Variants in ABCB1 observed in about 807,000 individuals in gnomAD.
The protein encoded by ABCB1 is ATP binding cassette subfamily B member 1, also known as ATP-dependent translocase ABCB1.
Under a neutral mutation model 142.0 loss-of-function variants are expected in ABCB1, and 69 were observed. The ratio of observed to expected loss-of-function variants is 0.49; its 90% CI spans 0.40 to 0.59. The LOEUF (loss-of-function observed/expected upper bound fraction) is 0.59. Ranked by LOEUF, ABCB1 falls within the 20% of genes least tolerant of loss-of-function variation. The pLI is 0.00. For synonymous variants in ABCB1, 532 were observed against 539.2 expected (o/e 0.99, Z 0.18); for missense variants, 1,326 against 1,554.7 (o/e 0.85, Z 2.47).
chr7:87,548,675 G>A lies in ABCB1; in HGVS notation c.1725+673C>T, dbSNP rs191684377. The stretch of plus-strand genomic sequence containing the variant: ...TAATGTCTCCATCTCCACATTCTCG[G>A]TCCTCACAGAATTATCCCCGTTACT... On this transcript the variant is annotated intron_variant, in intron 14 of 27. Coordinates refer to ENST00000622132, the MANE Select transcript of ABCB1 (RefSeq NM_001348946.2). 2.2e-4 allele frequency among the ~76,000 whole-genome samples: 34 copies of A among 152,218 alleles called. No homozygotes were observed. In the East Asian group the frequency reaches 6.6e-3, roughly 29 times the overall value.
At chr7:87,510,562 A>G (rs1814962301) in intron 25 of ABCB1, among the ~76,000 whole-genome samples, 2 of 152,226 alleles carry the variant, frequency 1.3e-5, no homozygotes, top group African/African-American at 2.4e-5. Flanking sequence ...TCCCTTCTGA[A>G]GAAGGCACCA....
chr7:87,628,559 C>A, intron 1 of ABCB1: 1 of 316,298 alleles, frequency 3.2e-6, no homozygotes, highest in Non-Finnish European at 5.7e-6. Flanking sequence ...GGCGGCGCGC[C>A]GAGGGCGGAG....
At chr7:87,677,563 T>C (rs1826501942) in intron 1 of ABCB1, among the ~76,000 whole-genome samples, 1 of 152,076 alleles carries the variant, frequency 6.6e-6, no homozygotes, top group African/African-American at 2.4e-5. Flanking sequence ...GGTACAAGCC[T>C]TCAGTTATAA....
intron 22 of ABCB1, 22 bp from the exon 23 acceptor site, chr7:87,519,488 A>G: frequency 6.2e-7 from 1 of 1,613,618 alleles, no homozygotes; most frequent in Non-Finnish European, 8.5e-7. Flanking sequence ...ACATTTGAAA[A>G]CTCATTCCAC....
intron 1 of ABCB1, among the ~76,000 whole-genome samples, chr7:87,679,886 T>C (rs1045945675): frequency 1.3e-5 from 2 of 150,692 alleles, no homozygotes; most frequent in Admixed American, 6.6e-5. Context: ...ACAGAAGATA[T>C]CTGAAAAATC....
intron 5 of ABCB1, among the ~76,000 whole-genome samples, chr7:87,567,743 C>T (rs1202167): frequency 0.4 from 60,134 of 151,876 alleles, 12,708 homozygotes; most frequent in East Asian, 0.63. Flanking sequence ...AAAAACAGAC[C>T]CTTAATCAAT....
In ABCB1 at chr7:87,629,035, A is replaced by G. The variant is rs1240136481; in HGVS notation, c.-330-27957T>C. 5.9e-6 allele frequency: 7 copies of G among 1,189,514 alleles called. 1 individual carries two copies. The African/African-American group carries it at 1.1e-4, about 19-fold the overall frequency. 73.7% of individuals were successfully genotyped at this position (1,189,514 alleles called of 1,614,324 possible). On this transcript the variant is annotated intron_variant, in intron 1 of 28. Coordinates refer to the ABCB1 transcript ENST00000265724. Reference sequence around the variant, plus strand: ...CGGGTCCTTGGGGGTCCCGGGCATGATGGGCTGCCGCCCAGTGCCCCCGCC... The same window carrying G: ...CGGGTCCTTGGGGGTCCCGGGCATGGTGGGCTGCCGCCCAGTGCCCCCGCC...
chr7:87,529,115 T>C (rs964218508), intron 21 of ABCB1, among the ~76,000 whole-genome samples: 2 of 152,222 alleles, frequency 1.3e-5, no homozygotes, highest in African/African-American at 2.4e-5. Context: ...GAATGACTTC[T>C]GTAAGAATGT....
At chr7:87,514,577 C>T (rs781556625) in intron 25 of ABCB1, among the ~76,000 whole-genome samples, 1 of 152,184 alleles carries the variant, frequency 6.6e-6, no homozygotes, top group Non-Finnish European at 1.5e-5. Flanking sequence ...CATAAAAATG[C>T]TCAAGAGTTC....
At chr7:87,547,279 G>A (rs1230274299) in intron 14 of ABCB1, among the ~76,000 whole-genome samples, 1 of 152,076 alleles carries the variant, frequency 6.6e-6, no homozygotes, top group East Asian at 1.9e-4. Context: ...AAATACAGAA[G>A]AAAATAGATC....
chr7:87,680,782 A>G (rs761086185), intron 1 of ABCB1, among the ~76,000 whole-genome samples: 10 of 150,308 alleles, frequency 6.7e-5, no homozygotes, highest in Non-Finnish European at 1.2e-4. Flanking sequence ...GCAAGGAGTG[A>G]AACTCCATCT....
chr7:87,644,265 C>T (rs943852832), intron 1 of ABCB1, among the ~76,000 whole-genome samples: 2 of 152,216 alleles, frequency 1.3e-5, no homozygotes, highest in African/African-American at 4.8e-5. Context: ...TGCTTATTAT[C>T]ACCTATAGTC....
At chr7:87,550,627 T>A (rs1398357725) in intron 10 of ABCB1, 49 bp from the exon 11 acceptor site, 5 of 1,584,564 alleles carry the variant, frequency 3.2e-6, no homozygotes, top group Non-Finnish European at 3.5e-6. Context: ...ATAACTACTT[T>A]TAGTGATATT....
At chr7:87,637,464 T>A (rs1821893214) in intron 1 of ABCB1, among the ~76,000 whole-genome samples, 1 of 152,182 alleles carries the variant, frequency 6.6e-6, no homozygotes, top group Non-Finnish European at 1.5e-5. Flanking sequence ...TTTTCTGGGA[T>A]TTTTATTAAG....
intron 20 of ABCB1, 107 bp from the exon 21 acceptor site, chr7:87,531,604 A>G: frequency 9.7e-7 from 1 of 1,034,360 alleles, no homozygotes; most frequent in South Asian, 1.4e-5. Context: ...TTATTTTATC[A>G]GTAATGAACT....
At position 87,541,431 on chromosome 7, in the gene ABCB1, G is replaced by A. The variant is rs1323297861; in HGVS notation, c.2245C>T (p.Arg749Ter). 5 of 1,609,254 alleles carry A rather than the reference G, an allele frequency of 3.1e-6. No homozygotes were observed. The highest frequency in any genetic ancestry group is 1.1e-5 in the South Asian group (1 of 90,964). Reference protein sequence around the residue: ...FTRIDDPETKRQNSNLFSLLF... With the variant: ...FTRIDDPETK Reference sequence around the variant, plus strand: ...AGTGAAAACAAGTTACTATTCTGTCGTTTTGTTTCAGGATCATCAATTCTT... The same window carrying A: ...AGTGAAAACAAGTTACTATTCTGTCATTTTGTTTCAGGATCATCAATTCTT... The change falls in exon 18 of 28, where the codon CGA becomes TGA. Residue 749 changes from arginine (R) to a stop codon, truncating the protein, a stop_gained. Coordinates refer to ENST00000622132, the MANE Select transcript of ABCB1 (RefSeq NM_001348946.2). LOFTEE classifies it high-confidence loss of function.
chr7:87,528,109 A>G (rs1584849763), intron 21 of ABCB1, among the ~76,000 whole-genome samples: 1 of 152,272 alleles, frequency 6.6e-6, no homozygotes, highest in Non-Finnish European at 1.5e-5. Context: ...AGCATGGGAA[A>G]AACCCACTCC....
chr7:87,544,372 C>T lies in ABCB1; in HGVS notation c.2065-97G>A, dbSNP rs928039773. 8.5e-7 allele frequency: 1 copy of T among 1,181,508 alleles called. No homozygotes were observed. The highest frequency in any genetic ancestry group is 1.2e-6 in the Non-Finnish European group (1 of 811,700). 73.2% of individuals were successfully genotyped at this position (1,181,508 alleles called of 1,614,324 possible). A position where few individuals can be genotyped will look rare whatever the true frequency, so the allele number is the denominator to read the frequency against. On this transcript the variant is annotated intron_variant, in intron 16 of 27. Coordinates refer to ENST00000622132, the MANE Select transcript of ABCB1 (RefSeq NM_001348946.2). The stretch of plus-strand genomic sequence containing the variant: ...AATTAGTAAAGGAATATATCCTATC[C>T]TTATTCCTTATCAATGAATAAGTGA...
At chr7:87,546,633 G>A (rs1015266143) in intron 14 of ABCB1, among the ~76,000 whole-genome samples, 9 of 151,946 alleles carry the variant, frequency 5.9e-5, no homozygotes, top group African/African-American at 9.7e-5. Context: ...CAGACCAGGC[G>A]TTGGCCAATC....
Sources: allele counts gnomAD v4.1 joint callset (sites outside exome capture counted in the v4.1 genomes callset), GRCh38; gene constraint gnomAD v4.1.1; transcripts MANE v1.5; gene names NCBI Gene and HGNC (gene_info 2026-07-23, HGNC 2026-07-21).